OTOG: variants seen among roughly 807,000 people sequenced by gnomAD.
OTOG encodes the protein otogelin.
In OTOG, 296 loss-of-function variants were observed where a neutral mutation model predicts 313.8. The observed-to-expected ratio is 0.94, with a 90% CI of 0.86 to 1.04. The LOEUF (loss-of-function observed/expected upper bound fraction) is 1.04. OTOG is among the 50% of genes least tolerant of loss of function. OTOG has a pLI of 0.00. For synonymous variants in OTOG, 1,533 were observed against 1,554.9 expected (o/e 0.99, Z 0.33); for missense variants, 3,948 against 3,840.1 (o/e 1.03, Z -0.74).
intron 6 of OTOG, among the ~76,000 whole-genome samples, chr11:17,555,063 G>A (rs181827966): frequency 5.0e-4 from 76 of 152,324 alleles, no homozygotes; most frequent in African/African-American, 1.7e-3. Flanking sequence ...ACATTGAACA[G>A]TAATCTGATG....
chr11:17,634,091 G>A lies in OTOG; in HGVS notation c.7290G>A (p.Val2430=). The stretch of plus-strand genomic sequence containing the variant: ...CAGCCTGCACTGACAGCATGGGGGT[G>A]CCGAGGGCCCTGGGGGAGACCTGGA... ...AKCACTDSMG[V]PRALGETWNS... is the part of the protein sequence containing the mutation. Residue 2430 remains valine (V), a synonymous_variant, in exon 44 of 56, where the codon GTG becomes GTA. Coordinates refer to ENST00000399397, the MANE Select transcript of OTOG (RefSeq NM_001292063.2). 2.6e-6 allele frequency: 4 copies of A among 1,546,770 alleles called. No individual in the cohort carries two copies. The highest frequency in any genetic ancestry group is 3.5e-6 in the Non-Finnish European group (4 of 1,146,908).
In OTOG at chr11:17,613,676, T is replaced by C; in HGVS notation, c.6503T>C (p.Val2168Ala). 1.9e-6 allele frequency: 3 copies of C among 1,550,622 alleles called. No homozygotes were observed. In the South Asian group the frequency reaches 3.6e-5, roughly 18 times the overall value. Residue 2168 changes from valine (V) to alanine (A), a missense_variant, in exon 39 of 56, where the codon GTC becomes GCC. Val to Ala is a moderately conservative substitution (Grantham distance 64). Transcript: ENST00000399397. ...MLNMTHLAHQ[V>A]TIDRFNRKVT... is the part of the protein sequence containing the mutation. ...AACATGACTCACTTGGCCCATCAGG[T>C]CACTATTGATCGCTTCAACCGAAAG...
intron 33 of OTOG, among the ~76,000 whole-genome samples, chr11:17,608,035 C>T (rs1489019098): frequency 1.3e-5 from 2 of 152,148 alleles, no homozygotes; most frequent in East Asian, 1.9e-4. Flanking sequence ...CAGAGCTTCC[C>T]TGTCCTCAGT....
At position 17,547,388 on chromosome 11, in the gene OTOG, T is replaced by C. The variant is rs773298682; in HGVS notation, c.16T>C (p.Ser6Pro). The change falls in exon 1 of 56, where the codon TCT (serine) becomes CCT (proline). Residue 6 changes from serine to proline, a missense_variant. Ser to Pro is a moderately conservative substitution (Grantham distance 74). Transcript: ENST00000399397. Reference sequence around the variant, plus strand: ...TCGTGTCCCTATGGGAGTCCTGGCGTCTGCGCTCTGCTGGCTGCTTTGTGT... The same window carrying C: ...TCGTGTCCCTATGGGAGTCCTGGCGCCTGCGCTCTGCTGGCTGCTTTGTGT... MGVLA[S>P]ALCWLLCVWL... 1 of 1,413,790 alleles carries C rather than the reference T, an allele frequency of 7.1e-7. No individual in the cohort carries two copies. Among genetic ancestry groups the C allele is most frequent in the South Asian group, 1.5e-5 (1 of 64,650 alleles). The allele number at this position is 1,413,790 out of a possible 1,614,324, so 87.6% of individuals were successfully genotyped here. A position where few individuals can be genotyped will look rare whatever the true frequency, so the allele number is the denominator to read the frequency against.
intron 38 of OTOG, 35 bp from the exon 39 acceptor site, chr11:17,613,577 G>A (rs1423977065): frequency 1.1e-5 from 17 of 1,522,562 alleles, no homozygotes; most frequent in African/African-American, 2.8e-5. Flanking sequence ...AGAGGACAGG[G>A]CTCCAAGTTG....
intron 27 of OTOG, 103 bp downstream of exon 27, chr11:17,593,859 G>A: frequency 1.4e-6 from 2 of 1,451,020 alleles, no homozygotes; most frequent in South Asian, 2.6e-5. Flanking sequence ...AGAAGAGCAT[G>A]CCTCTGTTCT....
In OTOG at chr11:17,641,840, C is replaced by A; in HGVS notation, c.8191-7C>A. 2 of 1,546,918 alleles carry A rather than the reference C, an allele frequency of 1.3e-6. No individual in the cohort carries two copies. Among genetic ancestry groups the A allele is most frequent in the Non-Finnish European group, 1.7e-6 (2 of 1,144,682 alleles). On this transcript the variant is annotated splice_polypyrimidine_tract_variant and splice_region_variant and intron_variant, in intron 51 of 55. Coordinates refer to ENST00000399397, the MANE Select transcript of OTOG (RefSeq NM_001292063.2). ...CTGGCTGAGGCCCACCCCGCCCTGG[C>A]CTGTAGAACCAGGAGTACGAGCACC...
In OTOG at chr11:17,561,155, C is replaced by T. The variant is rs1852173866; in HGVS notation, c.1498+18C>T. On this transcript the variant is annotated intron_variant, in intron 14 of 55. Transcript: ENST00000399397. ...CTGCCCAGGTATGTCTGCCCCCCAC[C>T]TTGCACTAGGATCCCTTCTACCAGT... is the stretch of plus-strand genomic sequence containing the variant. 1.9e-6 allele frequency: 3 copies of T among 1,550,486 alleles called. No homozygotes were observed. Among genetic ancestry groups the T allele is most frequent in the South Asian group, 1.2e-5 (1 of 84,056 alleles).
rs142415013 is a variant in OTOG at position 17,607,174 on chromosome 11, A to G, written c.4156+1039A>G. 8.1e-3 allele frequency among the ~76,000 whole-genome samples: 1,228 copies of G among 152,356 alleles called. 14 individuals are homozygous for G. Among genetic ancestry groups the G allele is most frequent in the African/African-American group, 0.028 (1,175 of 41,588 alleles). ...CGCGGGCTTTGCCTTGTGCTGGCACATAGTAGGTGCTCCCCAAATGTAAGT... is the reference window on the plus strand; with the variant it reads ...CGCGGGCTTTGCCTTGTGCTGGCACGTAGTAGGTGCTCCCCAAATGTAAGT... On this transcript the variant is annotated intron_variant, in intron 33 of 55. Coordinates refer to ENST00000399397, the MANE Select transcript of OTOG (RefSeq NM_001292063.2).
chr11:17,613,152 T>TTTCTC (rs552940008), intron 38 of OTOG, among the ~76,000 whole-genome samples: 165 of 151,854 alleles, frequency 1.1e-3, no homozygotes, highest in Non-Finnish European at 1.8e-3. Context: ...AGGTAGCTTC[T>TTTCTC]TTCTCTTCTC....
intron 18 of OTOG, among the ~76,000 whole-genome samples, chr11:17,572,642 A>G (rs147940596): frequency 6.6e-6 from 1 of 152,316 alleles, no homozygotes; most frequent in East Asian, 1.9e-4. Context: ...TTCTGCAGAC[A>G]CACACATGCC....
intron 53 of OTOG, 62 bp downstream of exon 53, chr11:17,642,308 G>A (rs1565132096): frequency 6.7e-7 from 1 of 1,502,160 alleles, no homozygotes; most frequent in Non-Finnish European, 8.9e-7. Context: ...CACTGGTGGT[G>A]GGGTGGAGGT....
At position 17,639,464 on chromosome 11, in the gene OTOG, G is replaced by A. The variant is rs1289449788; in HGVS notation, c.7935+1G>A. ...AATCCCGGTGCCCCGGTGCCATCTG[G>A]TATGGAGACGCTCCTCCCCCAACAC... is the stretch of plus-strand genomic sequence containing the variant. On this transcript the variant is annotated splice_donor_variant, in intron 49 of 55. Coordinates refer to ENST00000399397, the MANE Select transcript of OTOG (RefSeq NM_001292063.2). LOFTEE classifies it high-confidence loss of function. The A allele has an allele frequency of 1.3e-6, 2 of 1,550,546 alleles. No individual in the cohort carries two copies. Among genetic ancestry groups the A allele is most frequent in the Non-Finnish European group, 1.7e-6 (2 of 1,147,004 alleles).
At chr11:17,612,910 G>C (rs981040375) in intron 38 of OTOG, 145 bp downstream of exon 38, 37 of 1,022,562 alleles carry the variant, frequency 3.6e-5, no homozygotes, top group Non-Finnish European at 4.4e-5. Context: ...GAATGGGCAG[G>C]GCCTCCCAGG....
At chr11:17,587,764 T>G (rs977000450) in intron 24 of OTOG, among the ~76,000 whole-genome samples, 1 of 152,206 alleles carries the variant, frequency 6.6e-6, no homozygotes, top group African/African-American at 2.4e-5. Context: ...CACAGACCTC[T>G]GCACAGGCTG....
At chr11:17,569,787 C>T (rs1046347894) in intron 16 of OTOG, among the ~76,000 whole-genome samples, 39 of 152,258 alleles carry the variant, frequency 2.6e-4, no homozygotes, top group African/African-American at 9.4e-4. Context: ...AAATGTTCTA[C>T]AATAAAATCT....
intron 24 of OTOG, among the ~76,000 whole-genome samples, chr11:17,587,747 G>A (rs11024329): frequency 0.23 from 35,500 of 152,116 alleles, 4,867 homozygotes; most frequent in African/African-American, 0.39. Context: ...TGGGTATAAT[G>A]TTAAGACACA....
At chr11:17,619,651 T>C (rs1441011610) in intron 39 of OTOG, among the ~76,000 whole-genome samples, 1 of 152,172 alleles carries the variant, frequency 6.6e-6, no homozygotes, top group Non-Finnish European at 1.5e-5. Flanking sequence ...ATATATACCA[T>C]AAGAACTTTA....
In OTOG at chr11:17,635,802, A is replaced by G. The variant is rs531340775; in HGVS notation, c.7795+91A>G. The G allele has an allele frequency of 6.3e-5, 68 of 1,077,276 alleles. No individual in the cohort carries two copies. The East Asian group carries it at 1.7e-3, about 27-fold the overall frequency. The allele number at this position is 1,077,276 out of a possible 1,614,324, so 66.7% of individuals were successfully genotyped here. A position where few individuals can be genotyped will look rare whatever the true frequency, so the allele number is the denominator to read the frequency against. On this transcript the variant is annotated intron_variant, in intron 47 of 55. Coordinates refer to ENST00000399397, the MANE Select transcript of OTOG (RefSeq NM_001292063.2). The stretch of plus-strand genomic sequence containing the variant: ...GGACCAATGGGGGTTGACAGGGAGC[A>G]ACAGAGCGCCCCCAGGTGGTGAGCT...
Sources: allele counts gnomAD v4.1 joint callset (sites outside exome capture counted in the v4.1 genomes callset), GRCh38; gene constraint gnomAD v4.1.1; transcripts MANE v1.5; gene names NCBI Gene and HGNC (gene_info 2026-07-23, HGNC 2026-07-21).